VTI1A: variants seen among roughly 807,000 people sequenced by gnomAD.
VTI1A encodes vesicle transport through interaction with t-SNAREs homolog 1A.
In VTI1A, 22 loss-of-function variants were observed where a neutral mutation model predicts 34.9. The ratio of observed to expected loss-of-function variants is 0.63; its 90% CI spans 0.45 to 0.90. The LOEUF is 0.90. Ranked by LOEUF, VTI1A falls within the 40% of genes least tolerant of loss-of-function variation. VTI1A has a pLI of 0.00. For missense variants in VTI1A, 268 were observed against 275.6 expected (o/e 0.97, Z 0.20); for synonymous variants, 87 against 97.3 (o/e 0.89, Z 0.62).
intron 7 of VTI1A, among the ~76,000 whole-genome samples, chr10:112,791,637 T>C (rs1852481431): frequency 1.3e-5 from 2 of 152,170 alleles, no homozygotes; most frequent in South Asian, 4.1e-4. Context: ...ATAAAAAATT[T>C]ATGACAGTGT....
Position 112,460,794 on chromosome 10 carries a change from C to CT in VTI1A, c.153+213dup, listed in dbSNP as rs1455735307. ...AAGGTGATTCATTAAATATCTATCTCTAATTTTTATTCCATCATAATACGT... is the reference window on the plus strand; with the variant it reads ...AAGGTGATTCATTAAATATCTATCTCTTAATTTTTATTCCATCATAATACGT... On this transcript the variant is annotated intron_variant, in intron 2 of 7. Coordinates refer to ENST00000393077, the MANE Select transcript of VTI1A (RefSeq NM_145206.4). 3.3e-5 allele frequency among the ~76,000 whole-genome samples: 5 copies of CT among 152,286 alleles called. No homozygotes were observed. In the East Asian group the frequency reaches 9.7e-4, roughly 29 times the overall value.
intron 5 of VTI1A, among the ~76,000 whole-genome samples, chr10:112,632,733 G>A (rs1846182295): frequency 6.6e-6 from 1 of 152,176 alleles, no homozygotes; most frequent in Admixed American, 6.5e-5. Flanking sequence ...TGGAAAGTTG[G>A]GTGAGTACAG....
At chr10:112,727,150 CA>C (rs1850060549) in intron 7 of VTI1A, among the ~76,000 whole-genome samples, 1 of 152,168 alleles carries the variant, frequency 6.6e-6, no homozygotes, top group African/African-American at 2.4e-5. Context: ...AAGGCCCCCC[CA>C]TCAGTTGTCA....
intron 7 of VTI1A, among the ~76,000 whole-genome samples, chr10:112,755,695 T>TAATG (rs771002694): frequency 3.9e-5 from 6 of 152,222 alleles, no homozygotes; most frequent in Admixed American, 6.5e-5. Flanking sequence ...CAGATAACAT[T>TAATG]AATGAATATA....
At chr10:112,675,498 C>T (rs988401781) in intron 7 of VTI1A, among the ~76,000 whole-genome samples, 11 of 152,122 alleles carry the variant, frequency 7.2e-5, no homozygotes, top group South Asian at 2.1e-4. Flanking sequence ...GGGCTGAAGG[C>T]GCTCAGCTGC....
the VTI1A span, among the ~76,000 whole-genome samples, chr10:112,844,439 G>A: frequency 1.8e-4 from 27 of 152,166 alleles, 1 homozygote; most frequent in African/African-American, 5.8e-4. Flanking sequence ...TTGCTCTGTC[G>A]CCCTGGCTGG....
At chr10:112,608,737 A>G (rs1407748460) in intron 5 of VTI1A, among the ~76,000 whole-genome samples, 2 of 152,200 alleles carry the variant, frequency 1.3e-5, no homozygotes, top group Non-Finnish European at 2.9e-5. Context: ...AGCAGTTAAA[A>G]TAATGATTTT....
chr10:112,820,680 G>A (rs1853636202), downstream of VTI1A, among the ~76,000 whole-genome samples: 1 of 152,248 alleles, frequency 6.6e-6, no homozygotes, highest in Non-Finnish European at 1.5e-5. Flanking sequence ...TGAAATGAGT[G>A]ACTGAGCCAG....
At position 112,606,029 on chromosome 10, in the gene VTI1A, C is replaced by CTT. The variant is rs67139785; in HGVS notation, c.428-62178_428-62177dup. 7.4e-3 allele frequency among the ~76,000 whole-genome samples: 1,034 copies of CTT among 139,116 alleles called. 32 individuals are homozygous for CTT. Among genetic ancestry groups the CTT allele is most frequent in the Admixed American group, 0.051 (725 of 14,174 alleles). The allele number at this position is 139,116 out of a possible 152,430, so 91.3% of individuals were successfully genotyped here. The stretch of plus-strand genomic sequence containing the variant: ...GCTAGTTTTCTTTTTTTCTTTTTTT[C>CTT]TTTTTTTTTTTTGAGACAGAGTTTT... On this transcript the variant is annotated intron_variant, in intron 5 of 7. Transcript: ENST00000393077.
intron 5 of VTI1A, among the ~76,000 whole-genome samples, chr10:112,618,841 T>G (rs1845623014): frequency 6.6e-6 from 1 of 151,940 alleles, no homozygotes; most frequent in Non-Finnish European, 1.5e-5. Flanking sequence ...CAATGGTTGA[T>G]TAAGGGGTAG....
intron 5 of VTI1A, among the ~76,000 whole-genome samples, chr10:112,577,968 A>G (rs1843773783): frequency 6.6e-6 from 1 of 152,210 alleles, no homozygotes; most frequent in South Asian, 2.1e-4. Flanking sequence ...AATAACGCTT[A>G]TCCGACCTCA....
chr10:112,797,332 G>A (rs1036721262), intron 7 of VTI1A, among the ~76,000 whole-genome samples: 1 of 152,148 alleles, frequency 6.6e-6, no homozygotes, highest in Non-Finnish European at 1.5e-5. Flanking sequence ...GGCCGTGACC[G>A]TGGCAACATC....
chr10:112,665,117 T>A (rs1481463572), intron 5 of VTI1A, among the ~76,000 whole-genome samples: 1 of 152,232 alleles, frequency 6.6e-6, no homozygotes, highest in Non-Finnish European at 1.5e-5. Context: ...GTTCTTTCTA[T>A]TATGGTGTTT....
At chr10:112,616,332 C>T (rs1845512794) in intron 5 of VTI1A, among the ~76,000 whole-genome samples, 1 of 152,174 alleles carries the variant, frequency 6.6e-6, no homozygotes, top group Non-Finnish European at 1.5e-5. Flanking sequence ...CATGTGCACA[C>T]ACTCACACAC....
the VTI1A span, among the ~76,000 whole-genome samples, chr10:112,833,332 C>A: frequency 6.6e-6 from 1 of 152,000 alleles, no homozygotes; most frequent in African/African-American, 2.4e-5. Flanking sequence ...TCCTCATACC[C>A]CTCTCCAGTA....
At chr10:112,693,336 C>T (rs939566926) in intron 7 of VTI1A, among the ~76,000 whole-genome samples, 1 of 152,118 alleles carries the variant, frequency 6.6e-6, no homozygotes, top group Non-Finnish European at 1.5e-5. Flanking sequence ...TGCCTGAGGT[C>T]AGTAGTTCGA....
intron 7 of VTI1A, among the ~76,000 whole-genome samples, chr10:112,725,996 G>C (rs1015641059): frequency 2.6e-5 from 4 of 152,172 alleles, no homozygotes; most frequent in South Asian, 2.1e-4. Flanking sequence ...AAGGAATCCT[G>C]ATTCCTTTCC....
intron 7 of VTI1A, among the ~76,000 whole-genome samples, chr10:112,772,805 G>T (rs147568970): frequency 1.9e-3 from 286 of 152,288 alleles, no homozygotes; most frequent in African/African-American, 6.7e-3. Flanking sequence ...AAGAACTGTG[G>T]ATTGATGTGG....
chr10:112,527,875 G>A (rs1467176293), intron 4 of VTI1A, among the ~76,000 whole-genome samples: 6 of 151,820 alleles, frequency 4.0e-5, no homozygotes, highest in South Asian at 2.1e-4. Context: ...TTAATGTCCC[G>A]CCTCTTTCTT....
Sources: gnomAD v4.1 joint callset for allele counts (sites outside exome capture counted in the v4.1 genomes callset) on GRCh38, gnomAD v4.1.1 for gene constraint, MANE v1.5 for transcripts, NCBI Gene and HGNC (gene_info 2026-07-23, HGNC 2026-07-21) for gene names.